Variants in SLC35F4 observed in about 807,000 individuals in gnomAD.
SLC35F4 encodes chromosome 14 open reading frame 36.
A neutral mutation model predicts 44.2 loss-of-function variants in SLC35F4; 24 were observed. That is an observed-to-expected ratio of 0.54 (90% confidence interval 0.39 to 0.76). SLC35F4 has a LOEUF of 0.76. Among genes scored for constraint, SLC35F4 ranks in the 30% least tolerant of loss-of-function variants. The pLI is 0.00. For synonymous variants in SLC35F4, 238 were observed against 223.6 expected, an observed-to-expected ratio of 1.06 and a Z score of -0.57; for missense variants, 562 against 586.1, an observed-to-expected ratio of 0.96 and a Z score of 0.42.
chr14:57,660,908 G>A (rs115240614), intron 1 of SLC35F4, among the ~76,000 whole-genome samples: 4,018 of 152,178 alleles, frequency 0.026, 163 homozygotes, highest in African/African-American at 0.089. Context: ...CCGTAAAATC[G>A]TAAATATTTG....
At chr14:57,858,712 T>TAA (rs112879004) in intron 1 of SLC35F4, among the ~76,000 whole-genome samples, 7 of 150,330 alleles carry the variant, frequency 4.7e-5, no homozygotes, top group South Asian at 2.1e-4. Flanking sequence ...AGAATTACTA[T>TAA]AAAAAAAAGA....
At chr14:57,680,328 T>A (rs1250193664) in intron 1 of SLC35F4, among the ~76,000 whole-genome samples, 2 of 152,086 alleles carry the variant, frequency 1.3e-5, no homozygotes, top group Non-Finnish European at 2.9e-5. Context: ...CAACAGCCCT[T>A]CATGCTAAAA....
At chr14:57,630,644 A>C in intron 1 of SLC35F4, 1 of 727,626 alleles carries the variant, frequency 1.4e-6, no homozygotes. Context: ...TTAGGTCAAA[A>C]TCGGTATCAA....
intron 1 of SLC35F4, among the ~76,000 whole-genome samples, chr14:57,831,058 C>T (rs1338263956): frequency 6.6e-6 from 1 of 152,160 alleles, no homozygotes; most frequent in Non-Finnish European, 1.5e-5. Context: ...CATCTTCTCT[C>T]TCAACTCTGA....
At chr14:57,902,675 G>C (rs1442112726) in intron 1 of SLC35F4, among the ~76,000 whole-genome samples, 1 of 152,064 alleles carries the variant, frequency 6.6e-6, no homozygotes, top group Non-Finnish European at 1.5e-5. Flanking sequence ...AATATTCATA[G>C]CACCATTAAC....
chr14:57,907,296 C>T (rs994090400), intron 1 of SLC35F4, among the ~76,000 whole-genome samples: 8 of 152,138 alleles, frequency 5.3e-5, no homozygotes, highest in African/African-American at 1.9e-4. Flanking sequence ...GTAAACATAA[C>T]TTTCATATGC....
chr14:57,803,178 A>C (rs1779323279), intron 1 of SLC35F4, among the ~76,000 whole-genome samples: 1 of 152,202 alleles, frequency 6.6e-6, no homozygotes, highest in Non-Finnish European at 1.5e-5. Context: ...GTGATTCATC[A>C]TATAAACATA....
chr14:57,572,391 A>G (rs989762135), intron 4 of SLC35F4, among the ~76,000 whole-genome samples: 4 of 152,104 alleles, frequency 2.6e-5, no homozygotes, highest in Admixed American at 6.6e-5. Context: ...TCTGTATTTC[A>G]TCTATTCTTT....
At chr14:57,677,554 C>T (rs1483653461) in intron 1 of SLC35F4, among the ~76,000 whole-genome samples, 1 of 151,924 alleles carries the variant, frequency 6.6e-6, no homozygotes, top group Non-Finnish European at 1.5e-5. Flanking sequence ...GTTTTTATGA[C>T]TACGATGTTG....
chr14:57,738,806 G>GTA (rs35484116), intron 1 of SLC35F4, among the ~76,000 whole-genome samples: 26,288 of 118,764 alleles, frequency 0.22, 2,814 homozygotes, highest in South Asian at 0.3. Context: ...ATGTATACAT[G>GTA]TATATATATA....
intron 1 of SLC35F4, among the ~76,000 whole-genome samples, chr14:57,943,744 A>G (rs1389169183): frequency 1.3e-5 from 2 of 152,226 alleles, no homozygotes; most frequent in East Asian, 3.8e-4. Flanking sequence ...GTTAACCGCC[A>G]GTGCTGGTTC....
At chr14:57,665,154 C>T (rs2074266495) in intron 1 of SLC35F4, among the ~76,000 whole-genome samples, 1 of 151,760 alleles carries the variant, frequency 6.6e-6, no homozygotes, top group South Asian at 2.1e-4. Flanking sequence ...CGCACACACA[C>T]ACCTTAAAGA....
intron 1 of SLC35F4, among the ~76,000 whole-genome samples, chr14:57,672,800 T>C (rs540835265): frequency 6.6e-6 from 1 of 151,456 alleles, no homozygotes; most frequent in East Asian, 1.9e-4. Context: ...TTTTTTCACT[T>C]AGAATAACAA....
chr14:57,819,455 T>C (rs1241838295), intron 1 of SLC35F4, among the ~76,000 whole-genome samples: 2 of 151,686 alleles, frequency 1.3e-5, no homozygotes, highest in Non-Finnish European at 2.9e-5. Context: ...GTTGATTCCA[T>C]AATGCATAAG....
chr14:57,748,735 A>G (rs1357393213), intron 1 of SLC35F4, among the ~76,000 whole-genome samples: 1 of 152,196 alleles, frequency 6.6e-6, no homozygotes, highest in Non-Finnish European at 1.5e-5. Context: ...GCATCTAAAT[A>G]TAATGAATCT....
chr14:57,860,678 T>C (rs987415825), intron 1 of SLC35F4, among the ~76,000 whole-genome samples: 2 of 152,136 alleles, frequency 1.3e-5, no homozygotes, highest in Admixed American at 6.6e-5. Context: ...AATAATGGAA[T>C]ACAATAAAAC....
chr14:57,940,567 T>C (rs1889899318), intron 1 of SLC35F4, among the ~76,000 whole-genome samples: 1 of 152,212 alleles, frequency 6.6e-6, no homozygotes, highest in Non-Finnish European at 1.5e-5. Flanking sequence ...GCTGCTGCTC[T>C]CTGAGCAGCA....
chr14:57,782,943 A>C (rs1050427828), intron 1 of SLC35F4, among the ~76,000 whole-genome samples: 4 of 152,180 alleles, frequency 2.6e-5, no homozygotes, highest in East Asian at 1.9e-4. Flanking sequence ...GTTGCCGGCT[A>C]TCTCAAGATA....
intron 1 of SLC35F4, among the ~76,000 whole-genome samples, chr14:57,902,954 G>A (rs1002458929): frequency 5.3e-5 from 8 of 152,040 alleles, no homozygotes; most frequent in East Asian, 1.9e-4. Flanking sequence ...CTTTGCTGAC[G>A]TTTTTCTACC....
Sources: allele counts gnomAD v4.1 joint callset (sites outside exome capture counted in the v4.1 genomes callset), GRCh38; gene constraint gnomAD v4.1.1; transcripts MANE v1.5; gene names NCBI Gene and HGNC (gene_info 2026-07-23, HGNC 2026-07-21).